Variants in CHD5 observed in about 807,000 individuals in gnomAD.
The protein encoded by CHD5 is ATP-dependent chromatin remodeler CHD5.
Under a neutral mutation model 230.3 loss-of-function variants are expected in CHD5, and 69 were observed. The ratio of observed to expected loss-of-function variants is 0.30; its 90% CI spans 0.25 to 0.37. The LOEUF (loss-of-function observed/expected upper bound fraction) is 0.37. Among genes scored for constraint, CHD5 ranks in the 10% least tolerant of loss-of-function variants. The probability of loss-of-function intolerance (pLI) is 1.00; values close to 1 mark genes in which losing one functional copy is unlikely to be tolerated. For missense variants in CHD5, 1,827 were observed against 2,622.8 expected (o/e 0.70, Z 6.63); for synonymous variants, 1,064 against 1,065.9 (o/e 1.00, Z 0.03).
rs1436191665 is a variant in CHD5 at position 6,121,254 on chromosome 1, A to G, written c.4780-17T>C. 2 of 1,603,228 alleles carry G rather than the reference A, an allele frequency of 1.2e-6. No individual in the cohort carries two copies. Among genetic ancestry groups the G allele is most frequent in the Non-Finnish European group, 1.7e-6 (2 of 1,176,336 alleles). On this transcript the variant is annotated splice_polypyrimidine_tract_variant and intron_variant, in intron 32 of 41. Transcript: ENST00000262450. This position sits in a 1 kb window ranked among gnomAD's most constrained non-coding sequence, Gnocchi z 4.5. ...TGGAAGGGCCTGCAGAGGAAAAGCCAGGAGAACTACAAGGCCTGGGGCCTC... is the reference window on the plus strand; with the variant it reads ...TGGAAGGGCCTGCAGAGGAAAAGCCGGGAGAACTACAAGGCCTGGGGCCTC...
intron 17 of CHD5, 126 bp downstream of exon 17, chr1:6,136,391 C>T: frequency 1.8e-6 from 2 of 1,112,864 alleles, no homozygotes; most frequent in Non-Finnish European, 2.6e-6. Flanking sequence ...ATTGCTAATG[C>T]TCCCATTTTA....
intron 16 of CHD5, 44 bp from the exon 17 acceptor site, chr1:6,136,682 C>T: frequency 6.2e-7 from 1 of 1,611,866 alleles, no homozygotes. Context: ...TCTGGGCGGC[C>T]CCTCGCCCCG....
rs112443630 is a variant in CHD5 at position 6,118,653 on chromosome 1, G to A, written c.4912+2452C>T. Among the ~76,000 whole-genome samples the A allele has an allele frequency of 4.1e-3, 630 of 152,038 alleles. 8 individuals carry two copies. Among genetic ancestry groups the A allele is most frequent in the African/African-American group, 0.015 (607 of 41,482 alleles). On this transcript the variant is annotated intron_variant, in intron 33 of 41. Transcript: ENST00000262450. ...GTTCTGGAATTAGATAATGGTGATG[G>A]TTGCACAACTCTGGATGTACTAAAA...
At chr1:6,166,779 C>G (rs1057459881) in intron 2 of CHD5, among the ~76,000 whole-genome samples, 6 of 152,140 alleles carry the variant, frequency 3.9e-5, no homozygotes, top group African/African-American at 1.4e-4. Flanking sequence ...CCACCACCAC[C>G]ATCTCTCCCA....
rs148051969 is a variant in CHD5, at chr1:6,148,965, G to A, written c.1272C>T (p.Asp424=). 932 of 1,606,206 alleles carry A rather than the reference G, an allele frequency of 5.8e-4. 5 individuals carry two copies. Among genetic ancestry groups the A allele is most frequent in the Middle Eastern group, 5.5e-3 (27 of 4,892 alleles). ...DHMEFCRVCK[D]GGELLCCDAC... ...CGTCGCAGCAGAGCAGCTCGCCCCC[G>A]TCCTTGCACACGCGGCAGAACTCCA... The change falls in exon 9 of 42, where the codon GAC becomes GAT. Residue 424 remains aspartate (D), a synonymous_variant. Coordinates refer to ENST00000262450, the MANE Select transcript of CHD5 (RefSeq NM_015557.3).
At chr1:6,161,836 G>A (rs1183272588) in intron 2 of CHD5, among the ~76,000 whole-genome samples, 1 of 152,202 alleles carries the variant, frequency 6.6e-6, no homozygotes, top group Non-Finnish European at 1.5e-5. Context: ...GACAGAGGCT[G>A]GGGCTGGCCG....
Position 6,132,880 on chromosome 1 carries a change from T to TTCTCTCTCTCTCTCTCTCTCTCTC in CHD5, c.3145-1156_3145-1133dup, listed in dbSNP as rs111561200. Among the ~76,000 whole-genome samples the TTCTCTCTCTCTCTCTCTCTCTCTC allele has an allele frequency of 2.3e-4, 33 of 144,526 alleles. 1 individual carries two copies. Among genetic ancestry groups the TTCTCTCTCTCTCTCTCTCTCTCTC allele is most frequent in the African/African-American group, 7.7e-4 (30 of 39,158 alleles). 94.8% of individuals were successfully genotyped at this position (144,526 alleles called of 152,430 possible). The stretch of plus-strand genomic sequence containing the variant: ...AGTCTTTTCAGGCTATCCTATTCTT[T>TTCTCTCTCTCTCTCTCTCTCTCTC]TCTCTCTCTCTCTCTCTCTCTCTCT... On this transcript the variant is annotated intron_variant, in intron 20 of 41. Transcript: ENST00000262450.
In CHD5 at chr1:6,125,249, G is replaced by A. The variant is rs370816203; in HGVS notation, c.4261-16C>T. On this transcript the variant is annotated splice_polypyrimidine_tract_variant and intron_variant, in intron 28 of 41. Coordinates refer to ENST00000262450, the MANE Select transcript of CHD5 (RefSeq NM_015557.3). This position sits in a 1 kb window ranked among gnomAD's most constrained non-coding sequence, Gnocchi z 6.7. ...AGCCCAGCACCTGGGCGAGTGGAGC[G>A]TGGGAGTATGAGCCCAGGACAGAGA... is the stretch of plus-strand genomic sequence containing the variant. 1.0e-4 allele frequency: 167 copies of A among 1,596,264 alleles called. No individual in the cohort carries two copies. The highest frequency in any genetic ancestry group is 2.0e-4 in the East Asian group (9 of 44,726).
chr1:6,143,655 T>C (rs1666865123), intron 13 of CHD5, among the ~76,000 whole-genome samples, 168 bp downstream of exon 13: 1 of 152,190 alleles, frequency 6.6e-6, no homozygotes, highest in Admixed American at 6.5e-5. Flanking sequence ...TGCAGTGTTA[T>C]GAGGGGCCTT....
At chr1:6,157,572 C>T (rs754928813) in intron 3 of CHD5, among the ~76,000 whole-genome samples, 3 of 152,208 alleles carry the variant, frequency 2.0e-5, no homozygotes, top group Non-Finnish European at 2.9e-5. Flanking sequence ...CTGCCCTGAG[C>T]GTCTCCCAGC....
intron 1 of CHD5, 82 bp downstream of exon 1, chr1:6,179,863 C>CG (rs1331198587): frequency 1.7e-6 from 1 of 595,576 alleles, no homozygotes; most frequent in Non-Finnish European, 1.9e-6. Context: ...GCGCCGCCCC[C>CG]GCCGCCCGCG....
At chr1:6,113,219 T>G in intron 33 of CHD5, 1 of 532,356 alleles carries the variant, frequency 1.9e-6, no homozygotes, top group African/African-American at 1.9e-5. Context: ...AGACCAGGAG[T>G]TCAAGACCAG....
intron 1 of CHD5, among the ~76,000 whole-genome samples, chr1:6,169,640 A>G (rs182326851): frequency 1.9e-4 from 29 of 152,350 alleles, no homozygotes; most frequent in African/African-American, 6.3e-4. Flanking sequence ...TGGCAGGCAC[A>G]GCAGCAAGAA....
intron 1 of CHD5, among the ~76,000 whole-genome samples, chr1:6,170,485 G>A (rs1667320185): frequency 6.6e-6 from 1 of 152,162 alleles, no homozygotes; most frequent in Non-Finnish European, 1.5e-5. Flanking sequence ...ATCCCACGGG[G>A]CCAATGTGCA....
At chr1:6,107,824 G>A (rs1232045759) in intron 38 of CHD5, among the ~76,000 whole-genome samples, 1 of 143,074 alleles carries the variant, frequency 7.0e-6, no homozygotes, top group Admixed American at 6.9e-5. Flanking sequence ...ATGGAGGGAT[G>A]GAGGGATGAT....
intron 1 of CHD5, among the ~76,000 whole-genome samples, chr1:6,176,782 C>T (rs899278577): frequency 2.0e-5 from 3 of 152,178 alleles, no homozygotes; most frequent in Non-Finnish European, 4.4e-5. Flanking sequence ...GTGGGCACAC[C>T]GAGGAGAGGG....
At chr1:6,176,281 CTGGACCT>C (rs950600409) in intron 1 of CHD5, among the ~76,000 whole-genome samples, 4 of 152,212 alleles carry the variant, frequency 2.6e-5, no homozygotes, top group African/African-American at 9.7e-5. Flanking sequence ...CTCCTGGCCC[CTGGACCT>C]GAGGAAGCAA....
intron 9 of CHD5, among the ~76,000 whole-genome samples, chr1:6,147,163 T>C (rs1046156230): frequency 5.3e-5 from 8 of 152,108 alleles, no homozygotes; most frequent in Non-Finnish European, 1.0e-4. Context: ...GCCATGTGCA[T>C]AGGACAGAGG....
Position 6,168,471 on chromosome 1 carries a change from C to T in CHD5, c.80-194G>A, listed in dbSNP as rs114596345. On this transcript the variant is annotated intron_variant, in intron 1 of 41. Coordinates refer to ENST00000262450, the MANE Select transcript of CHD5 (RefSeq NM_015557.3). ...AGCCCCAGCTCTAGGGACTGTGTGA[C>T]ATCACCTCACCTCCAGGCCTTTCCT... 3.9e-3 allele frequency among the ~76,000 whole-genome samples: 595 copies of T among 152,356 alleles called. 5 individuals carry two copies. The highest frequency in any genetic ancestry group is 0.014 in the African/African-American group (562 of 41,578).
Sources: allele counts gnomAD v4.1 joint callset (sites outside exome capture counted in the v4.1 genomes callset), GRCh38; gene constraint gnomAD v4.1.1; non-coding constraint Gnocchi (gnomAD v3.1); transcripts MANE v1.5; gene names NCBI Gene and HGNC (gene_info 2026-07-23, HGNC 2026-07-21).